SPON1: variants seen among roughly 807,000 people sequenced by gnomAD.
SPON1 encodes spondin 1.
Under a neutral mutation model 111.7 loss-of-function variants are expected in SPON1, and 52 were observed. That is an observed-to-expected ratio of 0.47 (90% CI 0.37 to 0.59). SPON1 has a LOEUF of 0.59. SPON1 is among the 20% of genes least tolerant of loss of function. The probability of loss-of-function intolerance (pLI) is 0.00; values close to 1 mark genes in which losing one functional copy is unlikely to be tolerated. For synonymous variants in SPON1, 410 were observed against 395.8 expected (o/e 1.04, Z -0.43); for missense variants, 957 against 1,068.5 (o/e 0.90, Z 1.46).
rs569092297 is a variant in SPON1, at chr11:14,176,223, C to G, written c.825+40655C>G. Among the ~76,000 whole-genome samples, 25 of 152,236 alleles carry G rather than the reference C, an allele frequency of 1.6e-4. No individual in the cohort carries two copies. The Middle Eastern group carries it at 0.017, about 104-fold the overall frequency. The stretch of plus-strand genomic sequence containing the variant: ...ATCAGCAACCCCTCTGAGATCCCTT[C>G]CACATATGCAAACACACACAAAGAT... On this transcript the variant is annotated intron_variant, in intron 6 of 15. Transcript: ENST00000576479.
At chr11:14,090,199 GAAAAAAAAAA>G (rs3047374) in intron 5 of SPON1, among the ~76,000 whole-genome samples, 1 of 113,262 alleles carries the variant, frequency 8.8e-6, no homozygotes, top group African/African-American at 3.5e-5. Context: ...ACTAGGGTAT[GAAAAAAAAAA>G]AAAAAAAAAA....
intron 6 of SPON1, among the ~76,000 whole-genome samples, chr11:14,151,744 A>G (rs1847790602): frequency 6.6e-6 from 1 of 152,252 alleles, no homozygotes; most frequent in African/African-American, 2.4e-5. Context: ...TCATGTAAAC[A>G]TAGCAATTTT....
At chr11:14,074,742 T>C (rs1815792108) in intron 3 of SPON1, among the ~76,000 whole-genome samples, 1 of 152,218 alleles carries the variant, frequency 6.6e-6, no homozygotes, top group Non-Finnish European at 1.5e-5. Flanking sequence ...TAAGTCATTT[T>C]TCAGCCTCAA....
At chr11:14,099,093 C>G (rs1450489421) in intron 5 of SPON1, among the ~76,000 whole-genome samples, 1 of 152,160 alleles carries the variant, frequency 6.6e-6, no homozygotes, top group Non-Finnish European at 1.5e-5. Flanking sequence ...CCCAAGTTAT[C>G]CAATTTCTTC....
chr11:14,222,329 A>C (rs1324727102), intron 6 of SPON1, among the ~76,000 whole-genome samples: 1 of 152,260 alleles, frequency 6.6e-6, no homozygotes, highest in Non-Finnish European at 1.5e-5. Context: ...TAGGAAATCC[A>C]TATCCTCATA....
At chr11:14,239,022 G>T (rs1195972023) in intron 6 of SPON1, among the ~76,000 whole-genome samples, 1 of 152,120 alleles carries the variant, frequency 6.6e-6, no homozygotes, top group Non-Finnish European at 1.5e-5. Context: ...CTGAAGTGTG[G>T]GTTGCTTACT....
At chr11:14,113,241 T>A (rs1849238917) in intron 5 of SPON1, among the ~76,000 whole-genome samples, 1 of 152,256 alleles carries the variant, frequency 6.6e-6, no homozygotes, top group South Asian at 2.1e-4. Flanking sequence ...AACAGACCTC[T>A]CCTGCCTGGA....
chr11:14,181,050 C>T (rs1554933648), intron 6 of SPON1, among the ~76,000 whole-genome samples: 1 of 152,222 alleles, frequency 6.6e-6, no homozygotes, highest in Non-Finnish European at 1.5e-5. Context: ...TGGCCCCACA[C>T]TGTCCCTCAA....
chr11:14,132,146 CGG>C, intron 5 of SPON1, among the ~76,000 whole-genome samples: 2 of 152,134 alleles, frequency 1.3e-5, no homozygotes, highest in South Asian at 4.2e-4. Context: ...GGCGTGGTGG[CGG>C]ACGCCTGTAA....
chr11:13,975,094 C>A (rs543050309), intron 1 of SPON1, among the ~76,000 whole-genome samples: 2 of 152,312 alleles, frequency 1.3e-5, no homozygotes, highest in African/African-American at 4.8e-5. Flanking sequence ...GTTCTCTCCT[C>A]TGCAACCCCA....
At chr11:13,997,531 G>A (rs1241789174) in intron 2 of SPON1, among the ~76,000 whole-genome samples, 1 of 152,184 alleles carries the variant, frequency 6.6e-6, no homozygotes, top group Non-Finnish European at 1.5e-5. Flanking sequence ...TTCTGAGCCA[G>A]CAGCCTAGGG....
chr11:13,963,182 C>G (rs782160394), intron 1 of SPON1, 40 bp downstream of exon 1: 2 of 1,406,428 alleles, frequency 1.4e-6, no homozygotes, highest in South Asian at 1.5e-5. Flanking sequence ...GAGCGGGACC[C>G]GGTCCCCGGA....
intron 6 of SPON1, among the ~76,000 whole-genome samples, chr11:14,170,808 G>A (rs544214639): frequency 2.4e-4 from 37 of 152,170 alleles, no homozygotes; most frequent in East Asian, 1.7e-3. Context: ...ATTGATTTTC[G>A]TATGTTGAAT....
At chr11:14,125,069 T>C (rs1486811316) in intron 5 of SPON1, among the ~76,000 whole-genome samples, 1 of 152,216 alleles carries the variant, frequency 6.6e-6, no homozygotes, top group African/African-American at 2.4e-5. Flanking sequence ...AAAACCAGAA[T>C]GGTCTGGTCA....
intron 6 of SPON1, among the ~76,000 whole-genome samples, chr11:14,153,441 G>A (rs782560318): frequency 4.6e-5 from 7 of 152,150 alleles, no homozygotes; most frequent in Non-Finnish European, 8.8e-5. Flanking sequence ...GGAGCAGGAG[G>A]AAGAGAGCAG....
At chr11:14,183,197 T>C (rs1848252869) in intron 6 of SPON1, among the ~76,000 whole-genome samples, 1 of 152,204 alleles carries the variant, frequency 6.6e-6, no homozygotes, top group Non-Finnish European at 1.5e-5. Context: ...GCTCAGTCAT[T>C]TCAAATTACT....
intron 5 of SPON1, among the ~76,000 whole-genome samples, chr11:14,126,063 G>A (rs1207572723): frequency 1.3e-5 from 2 of 152,188 alleles, no homozygotes; most frequent in African/African-American, 4.8e-5. Flanking sequence ...TCTTCCTCCA[G>A]GGAGAGTCTG....
Position 13,977,068 on chromosome 11 carries a change from A to G in SPON1, c.239-5779A>G, listed in dbSNP as rs535489846. Among the ~76,000 whole-genome samples, 32 of 152,360 alleles carry G rather than the reference A, an allele frequency of 2.1e-4. No homozygotes were observed. In the South Asian group the frequency reaches 6.6e-3, roughly 32 times the overall value. ...TCCTGCCTGTGAGGCATTTGGTTAT[A>G]TGAATATGCCACAATTTATATACCT... On this transcript the variant is annotated intron_variant, in intron 1 of 15. Transcript: ENST00000576479.
At position 14,107,418 on chromosome 11, in the gene SPON1, G is replaced by A. The variant is rs538989005; in HGVS notation, c.676+27397G>A. 4.6e-5 allele frequency among the ~76,000 whole-genome samples: 7 copies of A among 152,112 alleles called. No individual in the cohort carries two copies. In the South Asian group the frequency reaches 6.2e-4, roughly 14 times the overall value. On this transcript the variant is annotated intron_variant, in intron 5 of 15. Coordinates refer to ENST00000576479, the MANE Select transcript of SPON1 (RefSeq NM_006108.4). ...TCTGTCCGGCTGTCCGTACTCCAGC[G>A]GACATGGATTCCTTTGCTTTGCTTT...
Sources: allele counts gnomAD v4.1 joint callset (sites outside exome capture counted in the v4.1 genomes callset), GRCh38; gene constraint gnomAD v4.1.1; transcripts MANE v1.5; gene names NCBI Gene and HGNC (gene_info 2026-07-23, HGNC 2026-07-21).